Variants in PCNX2 observed in about 807,000 individuals in gnomAD.
The protein encoded by PCNX2 is pecanex 2.
In PCNX2, 168 loss-of-function variants were observed where a neutral mutation model predicts 223.8. The observed-to-expected ratio is 0.75, with a 90% confidence interval of 0.66 to 0.85. PCNX2 has a LOEUF of 0.85. Among genes scored for constraint, PCNX2 ranks in the 40% least tolerant of loss-of-function variants. The probability of loss-of-function intolerance (pLI) is 0.00; values close to 1 mark genes in which losing one functional copy is unlikely to be tolerated. For synonymous variants in PCNX2, 1,006 were observed against 1,052.6 expected (o/e 0.96, Z 0.86); for missense variants, 2,507 against 2,675.5 (o/e 0.94, Z 1.39).
chr1:233,051,738 A>G (rs34585813), intron 25 of PCNX2, among the ~76,000 whole-genome samples: 22,108 of 152,108 alleles, frequency 0.15, 1,756 homozygotes, highest in African/African-American at 0.22. Flanking sequence ...AAAACTGTTG[A>G]GTCCTATGAG....
chr1:233,010,666 A>T (rs1670434033), intron 28 of PCNX2, among the ~76,000 whole-genome samples: 1 of 152,228 alleles, frequency 6.6e-6, no homozygotes, highest in African/African-American at 2.4e-5. Context: ...GTTTTCCAAG[A>T]AGGTATGTCC....
rs78551342 is a variant in PCNX2, at chr1:233,105,760, T to C, written c.3838-9897A>G. On this transcript the variant is annotated intron_variant, in intron 21 of 33. Transcript: ENST00000258229. ...AGCTGACCTTATGCAGCCAGACACATTCAGACCCTTAAGAGAACACACTAG... is the reference window on the plus strand; with the variant it reads ...AGCTGACCTTATGCAGCCAGACACACTCAGACCCTTAAGAGAACACACTAG... 3.2e-3 allele frequency among the ~76,000 whole-genome samples: 490 copies of C among 152,328 alleles called. 8 individuals carry two copies. The East Asian group carries it at 0.043, about 13-fold the overall frequency.
At position 233,025,296 on chromosome 1, in the gene PCNX2, G is replaced by A. The variant is rs757769086; in HGVS notation, c.4455C>T (p.Ser1485=). Residue 1485 remains serine, a synonymous_variant, in exon 26 of 34, where the codon TCC becomes TCT. Coordinates refer to ENST00000258229, the MANE Select transcript of PCNX2 (RefSeq NM_014801.4). ...AGCGGAGGTGAAAGGCAGCGTTGCAGGACAGCAGGTGAGGCAAGTGGCCTG... is the reference window on the plus strand; with the variant it reads ...AGCGGAGGTGAAAGGCAGCGTTGCAAGACAGCAGGTGAGGCAAGTGGCCTG... ...CKPGHLPHLL[S]CNAAFHLRWL... 3.1e-6 allele frequency: 5 copies of A among 1,614,054 alleles called. No individual in the cohort carries two copies. The highest frequency in any genetic ancestry group is 4.2e-6 in the Non-Finnish European group (5 of 1,179,908).
intron 21 of PCNX2, among the ~76,000 whole-genome samples, chr1:233,118,076 G>T (rs1397509466): frequency 6.6e-6 from 1 of 151,996 alleles, no homozygotes; most frequent in African/African-American, 2.4e-5. Flanking sequence ...TGCAAGGTTG[G>T]TTTAATTTTC....
At chr1:232,999,003 A>T in intron 31 of PCNX2, 102 bp downstream of exon 31, 1 of 1,338,812 alleles carries the variant, frequency 7.5e-7, no homozygotes, top group Non-Finnish European at 1.0e-6. Context: ...ATATGAGAAA[A>T]TGGTGGCTGA....
the PCNX2 span, among the ~76,000 whole-genome samples, chr1:233,314,679 A>G: frequency 6.6e-6 from 1 of 152,116 alleles, no homozygotes; most frequent in Non-Finnish European, 1.5e-5. Flanking sequence ...CAAAACCATA[A>G]TTTGTCAATA....
chr1:233,050,299 G>C (rs1179039303), intron 25 of PCNX2, among the ~76,000 whole-genome samples: 1 of 151,374 alleles, frequency 6.6e-6, no homozygotes, highest in South Asian at 2.1e-4. Context: ...AACTACCAAT[G>C]TCATTTTTCA....
intron 1 of PCNX2, among the ~76,000 whole-genome samples, chr1:233,279,481 C>A (rs1661080414): frequency 1.3e-5 from 2 of 151,614 alleles, no homozygotes; most frequent in African/African-American, 4.9e-5. Flanking sequence ...GACAGAGTTT[C>A]ACTATGTTGT....
At chr1:233,325,235 C>G in the PCNX2 span, among the ~76,000 whole-genome samples, 1 of 152,174 alleles carries the variant, frequency 6.6e-6, no homozygotes, top group East Asian at 1.9e-4. Context: ...GGGAGGAGAT[C>G]AAAATATCAA....
chr1:233,031,838 T>C (rs971675066), intron 25 of PCNX2: 1 of 980,586 alleles, frequency 1.0e-6, no homozygotes, highest in Non-Finnish European at 1.2e-6. Flanking sequence ...CATTCTCCAA[T>C]ATACAACTTT....
chr1:233,026,212 C>T lies in PCNX2; in HGVS notation c.4352-813G>A, dbSNP rs1389349881. On this transcript the variant is annotated intron_variant, in intron 25 of 33. Transcript: ENST00000258229. Reference sequence around the variant, plus strand: ...GTCTGAGTAGAGACCTGAAGGAGGTCGGGGGGAACTCAGCGCAGATAACTG... The same window carrying T: ...GTCTGAGTAGAGACCTGAAGGAGGTTGGGGGGAACTCAGCGCAGATAACTG... Among the ~76,000 whole-genome samples, 10 of 152,158 alleles carry T rather than the reference C, an allele frequency of 6.6e-5. No homozygotes were observed. In the East Asian group the frequency reaches 9.7e-4, roughly 15 times the overall value.
intron 25 of PCNX2, among the ~76,000 whole-genome samples, chr1:233,033,813 T>C (rs1363044910): frequency 6.6e-6 from 1 of 152,248 alleles, no homozygotes; most frequent in Non-Finnish European, 1.5e-5. Context: ...GAGAACTGGA[T>C]ACCTTTCAGG....
chr1:233,006,283 G>A (rs1167732967), intron 28 of PCNX2, among the ~76,000 whole-genome samples: 5 of 150,896 alleles, frequency 3.3e-5, no homozygotes, highest in African/African-American at 4.8e-5. Flanking sequence ...CTGTAACTGC[G>A]CTACTCGGCA....
chr1:233,227,418 C>T, intron 9 of PCNX2, 47 bp from the exon 10 acceptor site: 1 of 1,555,464 alleles, frequency 6.4e-7, no homozygotes, highest in Non-Finnish European at 8.7e-7. Context: ...TTTATGTTGT[C>T]ATGGCATGGC....
chr1:233,208,019 G>A (rs1681582233), intron 13 of PCNX2, among the ~76,000 whole-genome samples: 1 of 151,886 alleles, frequency 6.6e-6, no homozygotes, highest in South Asian at 2.1e-4. Flanking sequence ...GCAATGGCGT[G>A]ATCTTGGCTC....
At chr1:233,072,965 C>T (rs542950092) in intron 23 of PCNX2, among the ~76,000 whole-genome samples, 5 of 152,300 alleles carry the variant, frequency 3.3e-5, no homozygotes, top group Admixed American at 6.5e-5. Context: ...GTTAATTCTT[C>T]TTTCAACATT....
chr1:233,258,113 T>C lies in PCNX2; in HGVS notation c.1749A>G (p.Leu583=), dbSNP rs1315060019. 3 of 1,613,878 alleles carry C rather than the reference T, an allele frequency of 1.9e-6. No homozygotes were observed. In the Admixed American group the frequency reaches 5.0e-5, roughly 27 times the overall value. Residue 583 remains leucine (L), a synonymous_variant, in exon 5 of 34, where the codon TTA becomes TTG. Transcript: ENST00000258229. ...TCATCTTGGAAGTATTAATGGATTC[T>C]AACAGGGAGACAAATTCCAGGAAGT... is the stretch of plus-strand genomic sequence containing the variant. ...ESNFLEFVSL[L]ESINTSKMTA... is the part of the protein sequence containing the mutation.
intron 21 of PCNX2, among the ~76,000 whole-genome samples, chr1:233,116,892 T>C (rs78236299): frequency 0.017 from 2,550 of 152,056 alleles, 30 homozygotes; most frequent in East Asian, 0.044. Flanking sequence ...TTAAGAAATC[T>C]CTAGAAAGAC....
At chr1:233,175,611 G>A (rs1679434102) in intron 17 of PCNX2, among the ~76,000 whole-genome samples, 1 of 152,108 alleles carries the variant, frequency 6.6e-6, no homozygotes, top group Non-Finnish European at 1.5e-5. Flanking sequence ...AAATGCTGTA[G>A]GAATGTCAGT....
Sources: gnomAD v4.1 joint callset for allele counts (sites outside exome capture counted in the v4.1 genomes callset) on GRCh38, gnomAD v4.1.1 for gene constraint, MANE v1.5 for transcripts, NCBI Gene and HGNC (gene_info 2026-07-23, HGNC 2026-07-21) for gene names.